The following DOCK3 variants were observed in gnomAD, a reference collection of about 807,000 sequenced individuals.
DOCK3 encodes the protein dedicator of cytokinesis protein 3.
A neutral mutation model predicts 265.6 loss-of-function variants in DOCK3; 60 were observed. The ratio of observed to expected loss-of-function variants is 0.23; its 90% confidence interval spans 0.18 to 0.28. The LOEUF (loss-of-function observed/expected upper bound fraction) is 0.28, where lower values mean the gene tolerates loss of function less well. DOCK3 is among the 10% of genes least tolerant of loss of function. The pLI is 1.00. For missense variants in DOCK3, 1,981 were observed against 2,594.3 expected (o/e 0.76, Z 5.14); for synonymous variants, 881 against 938.0 (o/e 0.94, Z 1.11).
intron 3 of DOCK3, among the ~76,000 whole-genome samples, chr3:50,878,011 T>G (rs950513295): frequency 1.3e-5 from 2 of 152,148 alleles, no homozygotes; most frequent in Middle Eastern, 3.2e-3. Flanking sequence ...AGGCAAACAG[T>G]GTCTGGAGTG....
chr3:51,008,457 G>C (rs529818037), intron 5 of DOCK3, among the ~76,000 whole-genome samples: 31 of 152,294 alleles, frequency 2.0e-4, no homozygotes, highest in African/African-American at 7.5e-4. Context: ...AAGGATGCTT[G>C]TGATTTTTGC....
intron 1 of DOCK3, among the ~76,000 whole-genome samples, chr3:50,776,509 T>C (rs2041610945): frequency 6.6e-6 from 1 of 152,098 alleles, no homozygotes; most frequent in East Asian, 1.9e-4. Context: ...TTTGCAGATA[T>C]TTTCTTTGTG....
intron 4 of DOCK3, among the ~76,000 whole-genome samples, chr3:50,920,895 A>C (rs2050418121): frequency 6.6e-6 from 1 of 152,102 alleles, no homozygotes; most frequent in Non-Finnish European, 1.5e-5. Context: ...TAGTGCTATA[A>C]ATTTCCCTCT....
At chr3:51,025,303 G>A (rs918292354) in intron 5 of DOCK3, among the ~76,000 whole-genome samples, 6 of 152,084 alleles carry the variant, frequency 3.9e-5, no homozygotes, top group African/African-American at 1.4e-4. Flanking sequence ...GTTTCACAGG[G>A]GAGTATAACT....
chr3:50,778,980 T>C (rs1211284345), intron 2 of DOCK3, among the ~76,000 whole-genome samples: 1 of 152,230 alleles, frequency 6.6e-6, no homozygotes, highest in African/African-American at 2.4e-5. Context: ...AATTTCTGGC[T>C]GTCAGAACAC....
chr3:50,930,539 G>A (rs35499413), intron 4 of DOCK3, among the ~76,000 whole-genome samples: 14,362 of 152,208 alleles, frequency 0.094, 841 homozygotes, highest in Non-Finnish European at 0.12. Context: ...CACAGCCTGG[G>A]CCCCAGCCCA....
At position 50,778,678 on chromosome 3, in the gene DOCK3, T is replaced by A; in HGVS notation, c.41T>A (p.Ile14Lys). 6.3e-7 allele frequency: 1 copy of A among 1,582,052 alleles called. No homozygotes were observed. Among genetic ancestry groups the A allele is most frequent in the Non-Finnish European group, 8.6e-7 (1 of 1,162,632 alleles). ...PTEEEKYGVVICSFRGSVPQG... is the reference protein window; with the variant it reads ...PTEEEKYGVVKCSFRGSVPQG... ...GTGTTTATCCTTGCTTTTCTAGTGA[T>A]ATGCAGCTTTCGAGGATCTGTCCCT... Residue 14 changes from isoleucine to lysine, a missense_variant, in exon 2 of 53, where the codon ATA becomes AAA. Ile to Lys is a moderately radical substitution (Grantham distance 102). Transcript: ENST00000266037.
intron 5 of DOCK3, among the ~76,000 whole-genome samples, chr3:50,997,320 T>C (rs570506873): frequency 2.6e-5 from 4 of 152,120 alleles, no homozygotes; most frequent in Non-Finnish European, 5.9e-5. Context: ...AAGCAAATTA[T>C]AGAGCAGTAT....
rs531569343 is a variant in DOCK3, at chr3:50,966,502, C to CTTT, written c.315+32438_315+32440dup. Among the ~76,000 whole-genome samples the CTTT allele has an allele frequency of 2.6e-5, 3 of 114,936 alleles. No individual in the cohort carries two copies. In the East Asian group the frequency reaches 7.3e-4, roughly 28 times the overall value. 75.4% of individuals were successfully genotyped at this position (114,936 alleles called of 152,430 possible). On this transcript the variant is annotated intron_variant, in intron 5 of 52. Transcript: ENST00000266037. The stretch of plus-strand genomic sequence containing the variant: ...TCTCTTGTTTTTTTTTTTTTTCTTC[C>CTTT]TTTTTTTTTTTTTTTGAAAATAGCC...
At chr3:51,044,965 T>C (rs1277118429) in intron 5 of DOCK3, among the ~76,000 whole-genome samples, 1 of 152,156 alleles carries the variant, frequency 6.6e-6, no homozygotes, top group Non-Finnish European at 1.5e-5. Flanking sequence ...CTCAAAAATT[T>C]TTTTTATATT....
At chr3:50,938,227 G>A (rs1037766323) in intron 5 of DOCK3, among the ~76,000 whole-genome samples, 10 of 152,048 alleles carry the variant, frequency 6.6e-5, no homozygotes, top group African/African-American at 2.4e-4. Context: ...TCAGTTCACT[G>A]GGAAGACAAA....
intron 5 of DOCK3, among the ~76,000 whole-genome samples, chr3:50,978,978 G>T (rs955573638): frequency 6.6e-6 from 1 of 152,204 alleles, no homozygotes; most frequent in Admixed American, 6.5e-5. Flanking sequence ...CTTCCCGAGT[G>T]AGGCAATGCC....
intron 7 of DOCK3, among the ~76,000 whole-genome samples, chr3:51,087,615 C>A (rs1474602146): frequency 1.3e-5 from 2 of 152,052 alleles, no homozygotes; most frequent in Non-Finnish European, 2.9e-5. Flanking sequence ...CAACATAGTA[C>A]TTGAAGTCCT....
intron 5 of DOCK3, among the ~76,000 whole-genome samples, chr3:50,988,343 C>G (rs940513407): frequency 1.3e-5 from 2 of 152,178 alleles, no homozygotes; most frequent in Non-Finnish European, 2.9e-5. Flanking sequence ...GGACCACCCC[C>G]CCACAACCCC....
chr3:51,327,523 C>T (rs1293698394), intron 32 of DOCK3, among the ~76,000 whole-genome samples: 6 of 152,072 alleles, frequency 3.9e-5, no homozygotes, highest in Non-Finnish European at 1.5e-5. Context: ...GTTTGAAGAA[C>T]TTATTATTTT....
At chr3:50,727,202 A>C (rs1290366407) in intron 1 of DOCK3, among the ~76,000 whole-genome samples, 1 of 152,272 alleles carries the variant, frequency 6.6e-6, no homozygotes, top group Non-Finnish European at 1.5e-5. Context: ...AACTGGTTAA[A>C]GAAAGCAAGA....
chr3:51,351,651 CT>C (rs150338641), intron 40 of DOCK3, among the ~76,000 whole-genome samples: 5,856 of 95,540 alleles, frequency 0.061, 137 homozygotes, highest in Non-Finnish European at 0.076. Context: ...AGTAGAGAGA[CT>C]TTTTTTTTTT....
chr3:51,198,068 G>A lies in DOCK3; in HGVS notation c.1038-10706G>A, dbSNP rs114729159. Reference sequence around the variant, plus strand: ...CAGCATACTCCCCAGTCCCATTAGCGACAGCTCGAGTTTCTGTCATGCCTC... The same window carrying A: ...CAGCATACTCCCCAGTCCCATTAGCAACAGCTCGAGTTTCTGTCATGCCTC... On this transcript the variant is annotated intron_variant, in intron 12 of 52. Transcript: ENST00000266037. 4.3e-3 allele frequency among the ~76,000 whole-genome samples: 656 copies of A among 152,312 alleles called. 2 individuals carry two copies. The highest frequency in any genetic ancestry group is 6.8e-3 in the Middle Eastern group (2 of 294).
chr3:51,250,070 G>A lies in DOCK3; in HGVS notation c.2184+3263G>A, dbSNP rs2079117262. ...GTGCTTTGTTAAACAGATGCTTGAA[G>A]GCAGCATGCTCATTAAGAGTCATCA... is the stretch of plus-strand genomic sequence containing the variant. On this transcript the variant is annotated intron_variant, in intron 22 of 52. Transcript: ENST00000266037. 4.0e-5 allele frequency among the ~76,000 whole-genome samples: 6 copies of A among 151,874 alleles called. No homozygotes were observed. The South Asian group carries it at 1.2e-3, about 32-fold the overall frequency.
Sources: gnomAD v4.1 joint callset for allele counts (sites outside exome capture counted in the v4.1 genomes callset) on GRCh38, gnomAD v4.1.1 for gene constraint, MANE v1.5 for transcripts, NCBI Gene and HGNC (gene_info 2026-07-23, HGNC 2026-07-21) for gene names.